SLC24A4: variants seen among roughly 807,000 people sequenced by gnomAD.
SLC24A4 encodes the protein solute carrier family 24 member 4, also known as sodium/potassium/calcium exchanger 4.
Under a neutral mutation model 79.0 loss-of-function variants are expected in SLC24A4, and 53 were observed. The observed-to-expected ratio is 0.67, with a 90% CI of 0.54 to 0.84. The LOEUF (loss-of-function observed/expected upper bound fraction) is 0.84. SLC24A4 is among the 40% of genes least tolerant of loss of function. The probability of loss-of-function intolerance (pLI) is 0.00; values close to 1 mark genes in which losing one functional copy is unlikely to be tolerated. For synonymous variants in SLC24A4, 323 were observed against 323.8 expected, an observed-to-expected ratio of 1.00 and a Z score of 0.03; for missense variants, 731 against 822.0, an observed-to-expected ratio of 0.89 and a Z score of 1.35.
chr14:92,379,510 G>C (rs2141706946), intron 2 of SLC24A4, among the ~76,000 whole-genome samples: 1 of 152,220 alleles, frequency 6.6e-6, no homozygotes. Flanking sequence ...GCCCGAGTTT[G>C]TTGGGGGGAA....
At chr14:92,466,843 A>G (rs1285163483) in intron 12 of SLC24A4, among the ~76,000 whole-genome samples, 2 of 152,144 alleles carry the variant, frequency 1.3e-5, no homozygotes, top group Non-Finnish European at 2.9e-5. Flanking sequence ...ACTATCTCCC[A>G]TTGTCTATGA....
Position 92,493,503 on chromosome 14 carries a change from C to T in SLC24A4, c.1744C>T (p.Arg582Ter), listed in dbSNP as rs998033939. 7 of 1,614,066 alleles carry T rather than the reference C, an allele frequency of 4.3e-6. No individual in the cohort carries two copies. The highest frequency in any genetic ancestry group is 4.0e-5 in the African/African-American group (3 of 74,930). ...CCTCGGCATCCACCTAAACAAGTGG[C>T]GACTGGACCGGAAGCTGGGTGTCTA... The part of the protein sequence containing the change: ...TVLGIHLNKW[R>*]LDRKLGVYVL... Residue 582 changes from arginine to a stop codon, truncating the protein, a stop_gained, in exon 17 of 17, where the codon CGA becomes TGA. Transcript: ENST00000532405. LOFTEE classifies it high-confidence loss of function.
chr14:92,372,980 CCTCT>C (rs1888281377), intron 2 of SLC24A4, among the ~76,000 whole-genome samples: 19 of 138,082 alleles, frequency 1.4e-4, no homozygotes, highest in Non-Finnish European at 1.9e-4. Flanking sequence ...TCCCCCCCTC[CCTCT>C]CCCTCTCTCT....
intron 2 of SLC24A4, among the ~76,000 whole-genome samples, chr14:92,400,574 G>T (rs2141761784): frequency 6.6e-6 from 1 of 152,240 alleles, no homozygotes; most frequent in East Asian, 1.9e-4. Context: ...GGGCATGCAG[G>T]ACTACGGTTC....
chr14:92,348,838 G>A (rs1019801673), intron 2 of SLC24A4, among the ~76,000 whole-genome samples: 13 of 152,186 alleles, frequency 8.5e-5, no homozygotes, highest in African/African-American at 2.9e-4. Context: ...TGGCCACCAA[G>A]GGGTAGAGCC....
At chr14:92,332,701 A>G (rs147995787) in intron 2 of SLC24A4, among the ~76,000 whole-genome samples, 90 of 152,368 alleles carry the variant, frequency 5.9e-4, no homozygotes, top group African/African-American at 2.0e-3. Flanking sequence ...CTAAATACCC[A>G]TCAGCACTTA....
chr14:92,482,973 G>A (rs1895146671), intron 13 of SLC24A4, 127 bp downstream of exon 13: 12 of 869,954 alleles, frequency 1.4e-5, no homozygotes, highest in South Asian at 5.5e-5. Flanking sequence ...TGACCACAGC[G>A]TATTTCTCAG....
chr14:92,464,332 C>T (rs1893975041), intron 12 of SLC24A4, among the ~76,000 whole-genome samples: 1 of 152,070 alleles, frequency 6.6e-6, no homozygotes, highest in Non-Finnish European at 1.5e-5. Context: ...GCATCCAGGC[C>T]ACCTGCCCTG....
chr14:92,399,352 T>G (rs530905739), intron 2 of SLC24A4, among the ~76,000 whole-genome samples: 1 of 152,294 alleles, frequency 6.6e-6, no homozygotes, highest in East Asian at 1.9e-4. Context: ...ACAGTTCAGA[T>G]TAGCAGCTCC....
At chr14:92,446,988 C>T (rs1444356786) in intron 8 of SLC24A4, among the ~76,000 whole-genome samples, 2 of 152,210 alleles carry the variant, frequency 1.3e-5, no homozygotes, top group African/African-American at 4.8e-5. Context: ...GGCTCCTGCC[C>T]AGAATCTTGG....
At chr14:92,470,073 C>T (rs989878792) in intron 12 of SLC24A4, among the ~76,000 whole-genome samples, 1 of 152,192 alleles carries the variant, frequency 6.6e-6, no homozygotes, top group African/African-American at 2.4e-5. Flanking sequence ...AATTATATCT[C>T]AATTGCTTTT....
At chr14:92,384,346 A>G (rs1408914056) in intron 2 of SLC24A4, among the ~76,000 whole-genome samples, 1 of 152,098 alleles carries the variant, frequency 6.6e-6, no homozygotes, top group Non-Finnish European at 1.5e-5. Context: ...TTACAGCATA[A>G]ATCATATTTT....
chr14:92,357,463 T>C (rs1051875814), intron 2 of SLC24A4, among the ~76,000 whole-genome samples: 1 of 152,236 alleles, frequency 6.6e-6, no homozygotes, highest in African/African-American at 2.4e-5. Flanking sequence ...AGTGGATGAA[T>C]GGCTACATAA....
chr14:92,333,588 C>T (rs1885603249), intron 2 of SLC24A4, among the ~76,000 whole-genome samples: 1 of 152,194 alleles, frequency 6.6e-6, no homozygotes, highest in South Asian at 2.1e-4. Flanking sequence ...CTTCCAAATA[C>T]ATCTTCTGAG....
chr14:92,424,518 C>A (rs1295405467), intron 2 of SLC24A4, among the ~76,000 whole-genome samples: 2 of 152,078 alleles, frequency 1.3e-5, no homozygotes, highest in African/African-American at 4.8e-5. Context: ...GCAGAGATCA[C>A]ATGGTGAGAG....
rs34611498 is a variant in SLC24A4 at position 92,498,500 on chromosome 14, CTT to C, written c.*4887_*4888del. The C allele has an allele frequency of 1.1e-3, 160 of 139,220 alleles. No individual in the cohort carries two copies. Among genetic ancestry groups the C allele is most frequent in the Admixed American group, 2.3e-3 (32 of 13,938 alleles). The allele number at this position is 139,220 out of a possible 1,614,324, so 8.6% of individuals were successfully genotyped here. ...CCACAGGGTACAGGTTTTAAAAAGG[CTT>C]TTTTTTTTTTTTTTGAGACAGGGTC... On this transcript the variant is annotated 3_prime_UTR_variant, in exon 17 of 17. Coordinates refer to ENST00000532405, the MANE Select transcript of SLC24A4 (RefSeq NM_153646.4).
intron 2 of SLC24A4, among the ~76,000 whole-genome samples, chr14:92,419,413 G>T (rs1234568424): frequency 6.6e-6 from 1 of 152,156 alleles, no homozygotes; most frequent in South Asian, 2.1e-4. Flanking sequence ...CTACCTTCCC[G>T]CAGATGTTCT....
chr14:92,364,420 T>G (rs1033271091), intron 2 of SLC24A4, among the ~76,000 whole-genome samples: 1 of 152,154 alleles, frequency 6.6e-6, no homozygotes, highest in African/African-American at 2.4e-5. Context: ...ATGACTGTCC[T>G]TGAGGGCCAT....
At chr14:92,437,434 C>T (rs1039772561) in intron 3 of SLC24A4, among the ~76,000 whole-genome samples, 4 of 152,222 alleles carry the variant, frequency 2.6e-5, no homozygotes, top group African/African-American at 4.8e-5. Flanking sequence ...TCAGTGAAGC[C>T]GTGCTGGCTG....
Sources: allele counts gnomAD v4.1 joint callset (sites outside exome capture counted in the v4.1 genomes callset), GRCh38; gene constraint gnomAD v4.1.1; transcripts MANE v1.5; gene names NCBI Gene and HGNC (gene_info 2026-07-23, HGNC 2026-07-21).